CR1: variants seen among roughly 807,000 people sequenced by gnomAD.
CR1 encodes complement receptor type 1.
Under a neutral mutation model 187.3 loss-of-function variants are expected in CR1, and 116 were observed. The ratio of observed to expected loss-of-function variants is 0.62; its 90% CI spans 0.53 to 0.72. The LOEUF is 0.72. Among genes scored for constraint, CR1 ranks in the 30% least tolerant of loss-of-function variants. The pLI, the probability that CR1 is intolerant of heterozygous loss-of-function variation, is 0.00. For missense variants in CR1, 1,731 were observed against 2,110.7 expected, an observed-to-expected ratio of 0.82 and a Z score of 3.52; for synonymous variants, 576 against 747.1, an observed-to-expected ratio of 0.77 and a Z score of 3.73.
chr1:207,504,223 T>C (rs917776649), intron 1 of CR1, among the ~76,000 whole-genome samples: 2 of 152,230 alleles, frequency 1.3e-5, no homozygotes, highest in African/African-American at 4.8e-5. Context: ...GTGACTACTG[T>C]ATATTCAAAA....
intron 35 of CR1, among the ~76,000 whole-genome samples, chr1:207,595,082 C>T (rs1467292236): frequency 6.7e-6 from 1 of 148,920 alleles, no homozygotes; most frequent in African/African-American, 2.5e-5. Flanking sequence ...TTGAATGAAA[C>T]ACATGGGAGT....
chr1:207,581,999 T>A lies in CR1; in HGVS notation c.5298T>A (p.Cys1766Ter). 6.2e-7 allele frequency: 1 copy of A among 1,607,750 alleles called. No homozygotes were observed. The highest frequency in any genetic ancestry group is 8.5e-7 in the Non-Finnish European group (1 of 1,174,838). Residue 1766 changes from cysteine to a stop codon, truncating the protein, a stop_gained, in exon 32 of 47, where the codon TGT becomes TGA. Coordinates refer to ENST00000367049, the MANE Select transcript of CR1 (RefSeq NM_000651.6). LOFTEE classifies it high-confidence loss of function. ...TTTGGAATAACAGTGTTCCTGTGTGTGAACGTGAGTAGATGGAATACTTGT... is the reference window on the plus strand; with the variant it reads ...TTTGGAATAACAGTGTTCCTGTGTGAGAACGTGAGTAGATGGAATACTTGT... Reference protein sequence around the residue: ...RSLWNNSVPVCEHIFCPNPPA... With the variant: ...RSLWNNSVPV
At chr1:207,618,728 A>T (rs1377118663) in intron 42 of CR1, among the ~76,000 whole-genome samples, 5 of 152,138 alleles carry the variant, frequency 3.3e-5, no homozygotes, top group Admixed American at 6.5e-5. Flanking sequence ...CAGAAAAAGA[A>T]AGTAAAACAA....
At chr1:207,588,419 C>T (rs140925933) in intron 34 of CR1, among the ~76,000 whole-genome samples, 2,313 of 152,290 alleles carry the variant, frequency 0.015, 69 homozygotes, top group African/African-American at 0.053. Flanking sequence ...GATCTGCCGG[C>T]CTCGGCCTCC....
In CR1 at chr1:207,620,700, T is replaced by C. The variant is rs564024961; in HGVS notation, c.7252+635T>C. 1.2e-3 allele frequency among the ~76,000 whole-genome samples: 184 copies of C among 152,318 alleles called. 1 individual carries two copies. The highest frequency in any genetic ancestry group is 3.4e-3 in the Middle Eastern group (1 of 294). The stretch of plus-strand genomic sequence containing the variant: ...AGATCCAGTTTTACAATTAATCCTG[T>C]AAATATGCTAATATGACTCGCAGAT... On this transcript the variant is annotated intron_variant, in intron 43 of 46. Coordinates refer to ENST00000367049, the MANE Select transcript of CR1 (RefSeq NM_000651.6).
chr1:207,613,742 G>A (rs1662013033), intron 39 of CR1, among the ~76,000 whole-genome samples: 1 of 152,080 alleles, frequency 6.6e-6, no homozygotes, highest in South Asian at 2.1e-4. Context: ...CATTTACAAA[G>A]TCCACCACCT....
intron 28 of CR1, among the ~76,000 whole-genome samples, chr1:207,576,060 C>G (rs898497014): frequency 6.6e-6 from 1 of 152,214 alleles, no homozygotes. Context: ...GATATTCAAG[C>G]CATGCAGCTC....
At chr1:207,508,328 A>C (rs1659508431) in intron 3 of CR1, among the ~76,000 whole-genome samples, 1 of 152,236 alleles carries the variant, frequency 6.6e-6, no homozygotes, top group African/African-American at 2.4e-5. Context: ...TAGGTTCCTC[A>C]ATTGCGAAAA....
intron 46 of CR1, among the ~76,000 whole-genome samples, chr1:207,637,996 C>G: frequency 6.6e-6 from 1 of 152,120 alleles, no homozygotes; most frequent in Non-Finnish European, 1.5e-5. Context: ...GTTCTTTTTA[C>G]CAGTAAAATG....
chr1:207,607,117 G>C (rs749968356), intron 35 of CR1, 134 bp from the exon 36 acceptor site: 22 of 605,368 alleles, frequency 3.6e-5, no homozygotes, highest in Non-Finnish European at 6.2e-5. Context: ...TGGAGATGGG[G>C]TTTCTTCCTT....
At chr1:207,583,459 T>C (rs1011219454) in intron 32 of CR1, among the ~76,000 whole-genome samples, 10 of 152,190 alleles carry the variant, frequency 6.6e-5, no homozygotes, top group Non-Finnish European at 1.5e-4. Context: ...AATAGGACTA[T>C]AGCTGAAGAG....
chr1:207,615,355 T>C (rs1161809899), intron 40 of CR1, among the ~76,000 whole-genome samples: 1 of 152,040 alleles, frequency 6.6e-6, no homozygotes, highest in Non-Finnish European at 1.5e-5. Flanking sequence ...TTATAACATA[T>C]AAAATGGTAG....
chr1:207,590,294 G>A (rs933986194), intron 35 of CR1, among the ~76,000 whole-genome samples: 7 of 152,138 alleles, frequency 4.6e-5, no homozygotes, highest in African/African-American at 1.7e-4. Context: ...GAAGAGAGTG[G>A]GGGCCAATAT....
intron 32 of CR1, 123 bp from the exon 33 acceptor site, chr1:207,584,526 A>G: frequency 8.2e-7 from 1 of 1,220,582 alleles, no homozygotes; most frequent in African/African-American, 1.5e-5. Context: ...TGCAGTTTCT[A>G]CTTTCCTTAA....
intron 46 of CR1, among the ~76,000 whole-genome samples, chr1:207,637,734 A>G (rs1368994905): frequency 3.3e-5 from 5 of 152,202 alleles, no homozygotes; most frequent in Non-Finnish European, 5.9e-5. Context: ...CCCATACACT[A>G]TCATTAACAT....
At chr1:207,589,214 G>C (rs1437219439) in intron 35 of CR1, among the ~76,000 whole-genome samples, 2 of 152,192 alleles carry the variant, frequency 1.3e-5, no homozygotes, top group Non-Finnish European at 2.9e-5. Flanking sequence ...ATGCATCAAA[G>C]TGCACACAGA....
At chr1:207,499,562 T>C (rs1203290981) in intron 1 of CR1, among the ~76,000 whole-genome samples, 2 of 152,208 alleles carry the variant, frequency 1.3e-5, no homozygotes, top group African/African-American at 4.8e-5. Context: ...TATAGATGAC[T>C]TCATCCACAA....
rs1013001000 is a variant in CR1, at chr1:207,590,309, C to T, written c.5810+1535C>T. The stretch of plus-strand genomic sequence containing the variant: ...GAAGAGAGTGGGGGCCAATATTCAA[C>T]ATTCTTAAAGAAAAGAATTTTCAAC... On this transcript the variant is annotated intron_variant, in intron 35 of 46. Coordinates refer to ENST00000367049, the MANE Select transcript of CR1 (RefSeq NM_000651.6). Among the ~76,000 whole-genome samples, 5 of 152,192 alleles carry T rather than the reference C, an allele frequency of 3.3e-5. No individual in the cohort carries two copies. In the East Asian group the frequency reaches 7.7e-4, roughly 23 times the overall value.
In CR1 at chr1:207,567,813, A is replaced by G. The variant is rs527413828; in HGVS notation, c.3953-11A>G. The G allele has an allele frequency of 3.7e-6, 6 of 1,610,796 alleles. No homozygotes were observed. Among genetic ancestry groups the G allele is most frequent in the Non-Finnish European group, 2.5e-6 (3 of 1,179,594 alleles). On this transcript the variant is annotated splice_polypyrimidine_tract_variant and intron_variant, in intron 24 of 46. Coordinates refer to ENST00000367049, the MANE Select transcript of CR1 (RefSeq NM_000651.6). The stretch of plus-strand genomic sequence containing the variant: ...CCTGAATGAAACTTAGAGCTTTTGT[A>G]TGTTTTCTAGAAATCTTTTGTCCAA...
Sources: gnomAD v4.1 joint callset for allele counts (sites outside exome capture counted in the v4.1 genomes callset) on GRCh38, gnomAD v4.1.1 for gene constraint, MANE v1.5 for transcripts, NCBI Gene and HGNC (gene_info 2026-07-23, HGNC 2026-07-21) for gene names.